Variants in IARS2 observed in about 807,000 individuals in gnomAD.
The protein encoded by IARS2 is isoleucine--tRNA ligase, mitochondrial.
In IARS2, 56 loss-of-function variants were observed where a neutral mutation model predicts 126.3. That is an observed-to-expected ratio of 0.44 (90% CI 0.36 to 0.55). IARS2 has a LOEUF of 0.55. Ranked by LOEUF, IARS2 falls within the 20% of genes least tolerant of loss-of-function variation. The pLI, the probability that IARS2 is intolerant of heterozygous loss-of-function variation, is 0.00. For missense variants in IARS2, 1,127 were observed against 1,245.9 expected (o/e 0.90, Z 1.44); for synonymous variants, 407 against 441.1 (o/e 0.92, Z 0.97).
In IARS2 at chr1:220,130,791, C is replaced by T. The variant is rs112464347; in HGVS notation, c.1838-3611C>T. On this transcript the variant is annotated intron_variant, in intron 14 of 22. Transcript: ENST00000366922. Reference sequence around the variant, plus strand: ...CCAGGATGGGGTAGGGGTTTATTTTCATTCTTCTGCACATGGATAGCCAGT... The same window carrying T: ...CCAGGATGGGGTAGGGGTTTATTTTTATTCTTCTGCACATGGATAGCCAGT... 4.3e-3 allele frequency among the ~76,000 whole-genome samples: 648 copies of T among 152,226 alleles called. 2 individuals carry two copies. Among genetic ancestry groups the T allele is most frequent in the Middle Eastern group, 0.031 (9 of 294 alleles).
chr1:220,119,955 C>G (rs1657004083), intron 12 of IARS2, among the ~76,000 whole-genome samples: 1 of 151,734 alleles, frequency 6.6e-6, no homozygotes, highest in Admixed American at 6.6e-5. Context: ...TTCAAATTAT[C>G]TTTTTAGATT....
rs779595244 is a variant in IARS2, at chr1:220,136,852, A to G, written c.1990A>G (p.Lys664Glu). 1 of 1,612,236 alleles carries G rather than the reference A, an allele frequency of 6.2e-7. No homozygotes were observed. Among genetic ancestry groups the G allele is most frequent in the Non-Finnish European group, 8.5e-7 (1 of 1,178,568 alleles). Reference protein sequence around the residue: ...HGFTLGEKGEKMSKSLGNVIH... With the variant: ...HGFTLGEKGEEMSKSLGNVIH... ...ATTTACCCTTGGAGAAAAGGGAGAA[A>G]AGATGTCCAAGTCTCTTGGGAATGT... Residue 664 changes from lysine (K) to glutamate (E), a missense_variant, in exon 16 of 23, where the codon AAG becomes GAG. Transcript: ENST00000366922.
chr1:220,140,066 TG>T (rs1657454569), intron 18 of IARS2, 116 bp from the exon 19 acceptor site: 1 of 675,204 alleles, frequency 1.5e-6, no homozygotes, highest in African/African-American at 1.8e-5. Context: ...GCATATTGCC[TG>T]TTTTGTATTT....
At position 220,147,921 on chromosome 1, in the gene IARS2, A is replaced by AT. The variant is rs1461088083; in HGVS notation, c.*287dup. On this transcript the variant is annotated 3_prime_UTR_variant, in exon 23 of 23. Transcript: ENST00000366922. ...CATAGTGGACTTATTCAGAACATAG[A>AT]TATGTATTCAGCTTGTCTTCAAATA... 9.8e-6 allele frequency: 4 copies of AT among 408,184 alleles called. No homozygotes were observed. The highest frequency in any genetic ancestry group is 8.1e-5 in the African/African-American group (4 of 49,116). 25.3% of individuals were successfully genotyped at this position (408,184 alleles called of 1,614,324 possible).
rs758799350 is a variant in IARS2 at position 220,110,844 on chromosome 1, C to G, written c.1386C>G (p.Ser462Arg). ...NLLKEEKLVHSYPYDWRTKKP... is the reference protein window; with the variant it reads ...NLLKEEKLVHRYPYDWRTKKP... ...TGAAAGAGGAGAAATTGGTGCATAG[C>G]TATCCGTATGACTGGAGGACCAAGA... Residue 462 changes from serine (S) to arginine (R), a missense_variant, in exon 11 of 23, where the codon AGC (serine) becomes AGG (arginine). Ser to Arg is a moderately radical substitution (Grantham distance 110). Transcript: ENST00000366922. 2.0e-5 allele frequency: 32 copies of G among 1,612,836 alleles called. No individual in the cohort carries two copies. Among genetic ancestry groups the G allele is most frequent in the Non-Finnish European group, 2.6e-5 (31 of 1,179,128 alleles).
In IARS2 at chr1:220,110,884, C is replaced by T. The variant is rs1181675007; in HGVS notation, c.1426C>T (p.Arg476Cys). 1.5e-5 allele frequency: 24 copies of T among 1,613,554 alleles called. No individual in the cohort carries two copies. Among genetic ancestry groups the T allele is most frequent in the Non-Finnish European group, 1.9e-5 (23 of 1,179,936 alleles). The change falls in exon 11 of 23, where the codon CGT becomes TGT. Residue 476 changes from arginine to cysteine, a missense_variant. By Grantham distance (180) the Arg-to-Cys change is radical. Coordinates refer to ENST00000366922, the MANE Select transcript of IARS2 (RefSeq NM_018060.4). The stretch of plus-strand genomic sequence containing the variant: ...GAGGACCAAGAAACCTGTGGTTATT[C>T]GTGCCAGCAAGCAGTGGTTTATAAA... ...DWRTKKPVVI[R>C]ASKQWFINIT...
chr1:220,117,559 G>C (rs2053251), intron 12 of IARS2, among the ~76,000 whole-genome samples: 2 of 151,958 alleles, frequency 1.3e-5, no homozygotes, highest in Admixed American at 6.6e-5. Context: ...AAGTGATTGA[G>C]GTGGGTGGGG....
Position 220,114,309 on chromosome 1 carries a change from T to A in IARS2, c.1480-5T>A. 1 of 1,611,142 alleles carries A rather than the reference T, an allele frequency of 6.2e-7. No individual in the cohort carries two copies. The highest frequency in any genetic ancestry group is 8.5e-7 in the Non-Finnish European group (1 of 1,177,316). The stretch of plus-strand genomic sequence containing the variant: ...CACAAGACTTGATTTATGAATTAAT[T>A]GCAGGAATTGTTAAAAAAGGTGAAA... On this transcript the variant is annotated splice_polypyrimidine_tract_variant and splice_region_variant and intron_variant, in intron 11 of 22. Transcript: ENST00000366922.
At chr1:220,099,223 A>G (rs1170031373) in intron 2 of IARS2, among the ~76,000 whole-genome samples, 2 of 112,732 alleles carry the variant, frequency 1.8e-5, no homozygotes, top group African/African-American at 4.4e-5. Context: ...AAAAAAAAAA[A>G]AAAAAAAAGA....
chr1:220,099,211 C>CAAAAAAAAA (rs1184799314), intron 2 of IARS2, among the ~76,000 whole-genome samples: 16 of 49,068 alleles, frequency 3.3e-4, no homozygotes, highest in East Asian at 1.0e-3. Context: ...GACTCCGTCT[C>CAAAAAAAAA]AAAAAAAAAA....
At position 220,110,767 on chromosome 1, in the gene IARS2, G is replaced by C. The variant is rs747604082; in HGVS notation, c.1328-19G>C. The C allele has an allele frequency of 6.6e-7, 1 of 1,518,930 alleles. No individual in the cohort carries two copies. Among genetic ancestry groups the C allele is most frequent in the Non-Finnish European group, 9.0e-7 (1 of 1,111,394 alleles). 94.1% of individuals were successfully genotyped at this position (1,518,930 alleles called of 1,614,324 possible). The stretch of plus-strand genomic sequence containing the variant: ...AGTACTTTTTAATTATGTCTAATTT[G>C]GTGTTTTTTTTTTTAAAGTTATAAA... On this transcript the variant is annotated intron_variant, in intron 10 of 22. Transcript: ENST00000366922.
chr1:220,100,232 G>C (rs1571843857), intron 2 of IARS2, among the ~76,000 whole-genome samples: 1 of 152,138 alleles, frequency 6.6e-6, no homozygotes, highest in Admixed American at 6.5e-5. Context: ...TGTAAGTTCT[G>C]CAATGGTTTG....
intron 21 of IARS2, chr1:220,144,211 A>G (rs761814754): frequency 4.3e-5 from 33 of 774,462 alleles, no homozygotes; most frequent in Non-Finnish European, 6.8e-5. Flanking sequence ...AAATTTGCCA[A>G]TGTAACCATG....
intron 12 of IARS2, among the ~76,000 whole-genome samples, chr1:220,116,834 C>T (rs1656922472): frequency 6.6e-6 from 1 of 152,108 alleles, no homozygotes; most frequent in Non-Finnish European, 1.5e-5. Flanking sequence ...ACAACCTCCA[C>T]CTCCCAGGTT....
In IARS2 at chr1:220,094,315, G is replaced by C. The variant is rs757169323; in HGVS notation, c.99G>C (p.Trp33Cys). The change falls in exon 1 of 23, where the codon TGG (tryptophan) becomes TGC (cysteine). Residue 33 changes from tryptophan to cysteine, a missense_variant. By Grantham distance (215) the Trp-to-Cys change is radical (BLOSUM62 -2). Transcript: ENST00000366922. The stretch of plus-strand genomic sequence containing the variant: ...CCCGCCTTCCCTGCAGCCCGGGATG[G>C]CAAGGGGCGACGAAGAGGCTTCTGG... Reference protein sequence around the residue: ...GTPRLPCSPGWQGATKRLLVR... With the variant: ...GTPRLPCSPGCQGATKRLLVR... 7.4e-6 allele frequency: 12 copies of C among 1,612,664 alleles called. 1 individual carries two copies. In the South Asian group the frequency reaches 1.3e-4, roughly 18 times the overall value.
At chr1:220,123,225 A>G (rs1657084615) in intron 12 of IARS2, among the ~76,000 whole-genome samples, 1 of 152,210 alleles carries the variant, frequency 6.6e-6, no homozygotes, top group East Asian at 1.9e-4. Flanking sequence ...TCATATAACT[A>G]GGTAGTTATT....
chr1:220,099,257 A>T (rs1656516423), intron 2 of IARS2, among the ~76,000 whole-genome samples: 1 of 151,670 alleles, frequency 6.6e-6, no homozygotes, highest in African/African-American at 2.4e-5. Context: ...CAAGCTATAA[A>T]TTTGTGCCAC....
At chr1:220,136,737 A>T in intron 15 of IARS2, 72 bp from the exon 16 acceptor site, 1 of 693,834 alleles carries the variant, frequency 1.4e-6, no homozygotes, top group Non-Finnish European at 2.4e-6. Flanking sequence ...TACTCTTTTT[A>T]AGCTGTACCT....
intron 1 of IARS2, among the ~76,000 whole-genome samples, chr1:220,095,653 G>A (rs1489169096): frequency 6.6e-6 from 1 of 152,128 alleles, no homozygotes; most frequent in Non-Finnish European, 1.5e-5. Context: ...CATACAGCAA[G>A]TGAGGGAAGG....
Sources: gnomAD v4.1 joint callset for allele counts (sites outside exome capture counted in the v4.1 genomes callset) on GRCh38, gnomAD v4.1.1 for gene constraint, MANE v1.5 for transcripts, NCBI Gene and HGNC (gene_info 2026-07-23, HGNC 2026-07-21) for gene names.